Variants in COPS4 observed in about 807,000 individuals in gnomAD.
The protein encoded by COPS4 is COP9 signalosome complex subunit 4.
Under a neutral mutation model 55.1 loss-of-function variants are expected in COPS4, and 8 were observed. That is an observed-to-expected ratio of 0.15 (90% CI 0.09 to 0.26). COPS4 has a LOEUF of 0.26. Among genes scored for constraint, COPS4 ranks in the 10% least tolerant of loss-of-function variants. The pLI, the probability that COPS4 is intolerant of heterozygous loss-of-function variation, is 1.00. For missense variants in COPS4, 248 were observed against 484.0 expected, an observed-to-expected ratio of 0.51 and a Z score of 4.58; for synonymous variants, 185 against 165.7, an observed-to-expected ratio of 1.12 and a Z score of -0.90.
At chr4:83,070,100 C>T (rs1731384656) in intron 9 of COPS4, among the ~76,000 whole-genome samples, 1 of 152,208 alleles carries the variant, frequency 6.6e-6, no homozygotes, top group Non-Finnish European at 1.5e-5. Context: ...CCCACCACCA[C>T]AGCTTGACTT....
intron 1 of COPS4, among the ~76,000 whole-genome samples, chr4:83,040,674 T>A (rs1730541117): frequency 6.6e-6 from 1 of 152,214 alleles, no homozygotes; most frequent in Non-Finnish European, 1.5e-5. Context: ...ATATATGGTT[T>A]ATCTTATTTT....
chr4:83,038,924 TGAG>T (rs1181659197), intron 1 of COPS4, among the ~76,000 whole-genome samples: 1 of 152,216 alleles, frequency 6.6e-6, no homozygotes, highest in African/African-American at 2.4e-5. Context: ...ATTACAGGCG[TGAG>T]CCACCGCGCC....
At position 83,053,881 on chromosome 4, in the gene COPS4, C is replaced by G. The variant is rs114033361; in HGVS notation, c.411-3045C>G. Among the ~76,000 whole-genome samples the G allele has an allele frequency of 2.2e-3, 320 of 148,114 alleles. 1 individual carries two copies. Among genetic ancestry groups the G allele is most frequent in the Middle Eastern group, 0.018 (5 of 278 alleles). On this transcript the variant is annotated intron_variant, in intron 4 of 9. Coordinates refer to ENST00000264389, the MANE Select transcript of COPS4 (RefSeq NM_016129.3). ...GGTTTATAACTCTTACTCAACCAAT[C>G]TTACCTCTTGATGTATATGTTTTTT...
At chr4:83,071,999 C>T (rs1298807672) in intron 9 of COPS4, among the ~76,000 whole-genome samples, 9 of 151,780 alleles carry the variant, frequency 5.9e-5, no homozygotes, top group East Asian at 2.0e-4. Flanking sequence ...CGTGAGCTAC[C>T]GCTCCTGGCT....
chr4:83,060,595 C>T lies in COPS4; in HGVS notation c.716-2481C>T, dbSNP rs111529803. On this transcript the variant is annotated intron_variant, in intron 6 of 9. Transcript: ENST00000264389. Reference sequence around the variant, plus strand: ...TGCTGGGATTAAAGGCATGAGCCACCGTGCCCGGCCGACAGATGGTATAGT... The same window carrying T: ...TGCTGGGATTAAAGGCATGAGCCACTGTGCCCGGCCGACAGATGGTATAGT... Among the ~76,000 whole-genome samples the T allele has an allele frequency of 3.4e-3, 519 of 151,784 alleles. 2 individuals carry two copies. Among genetic ancestry groups the T allele is most frequent in the Non-Finnish European group, 5.1e-3 (343 of 67,896 alleles).
At chr4:83,037,552 G>A (rs928795831) in intron 1 of COPS4, among the ~76,000 whole-genome samples, 1 of 152,166 alleles carries the variant, frequency 6.6e-6, no homozygotes, top group African/African-American at 2.4e-5. Context: ...TTTCCTATGT[G>A]GGCAAGAATG....
At chr4:83,060,605 C>G (rs1205042445) in intron 6 of COPS4, among the ~76,000 whole-genome samples, 1 of 151,560 alleles carries the variant, frequency 6.6e-6, no homozygotes, top group East Asian at 2.0e-4. Flanking sequence ...CGTGCCCGGC[C>G]GACAGATGGT....
chr4:83,045,732 G>C, intron 2 of COPS4, 27 bp downstream of exon 2: 1 of 1,519,504 alleles, frequency 6.6e-7, no homozygotes, highest in Non-Finnish European at 9.1e-7. Context: ...TTTCATGCTT[G>C]CCTTGTATTA....
chr4:83,059,519 T>A (rs545439874), intron 6 of COPS4, among the ~76,000 whole-genome samples: 36 of 152,324 alleles, frequency 2.4e-4, no homozygotes, highest in South Asian at 2.3e-3. Flanking sequence ...ATTAATTTAT[T>A]TTAAAGTAGC....
intron 9 of COPS4, among the ~76,000 whole-genome samples, 172 bp downstream of exon 9, chr4:83,068,694 G>C (rs1222144849): frequency 3.9e-5 from 6 of 152,308 alleles, no homozygotes; most frequent in African/African-American, 1.4e-4. Context: ...ATGAGGCTGG[G>C]CATGGCGGCT....
chr4:83,042,717 C>A (rs182417333), intron 1 of COPS4, among the ~76,000 whole-genome samples: 7 of 152,186 alleles, frequency 4.6e-5, no homozygotes, highest in Non-Finnish European at 8.8e-5. Context: ...ATCCTCCCCC[C>A]TCAGCCTCCC....
chr4:83,052,013 TAAG>T (rs1730900766), intron 4 of COPS4, among the ~76,000 whole-genome samples: 1 of 152,104 alleles, frequency 6.6e-6, no homozygotes, highest in Non-Finnish European at 1.5e-5. Context: ...TCAAGTAAGA[TAAG>T]GAGTACAGGT....
At chr4:83,065,433 A>C (rs1731271556) in intron 7 of COPS4, among the ~76,000 whole-genome samples, 1 of 152,190 alleles carries the variant, frequency 6.6e-6, no homozygotes, top group Non-Finnish European at 1.5e-5. Context: ...AGTTAAGTGA[A>C]AAACTAGCAG....
At chr4:83,073,549 CTTTAAA>C (rs1731492001) in intron 9 of COPS4, among the ~76,000 whole-genome samples, 1 of 152,000 alleles carries the variant, frequency 6.6e-6, no homozygotes, top group Admixed American at 6.6e-5. Context: ...TTTGGGATTT[CTTTAAA>C]TTTATTTATT....
intron 4 of COPS4, among the ~76,000 whole-genome samples, chr4:83,055,874 G>C (rs950115060): frequency 1.3e-5 from 2 of 151,250 alleles, no homozygotes; most frequent in Non-Finnish European, 2.9e-5. Flanking sequence ...AGATGAATAT[G>C]TGTGCACATA....
At position 83,041,628 on chromosome 4, in the gene COPS4, C is replaced by T. The variant is rs559504961; in HGVS notation, c.75-3998C>T. ...ACTTACAGTTGTGCACCATCACACTCGGCTAATTTTTGTATTTTTAGTAGA... is the reference window on the plus strand; with the variant it reads ...ACTTACAGTTGTGCACCATCACACTTGGCTAATTTTTGTATTTTTAGTAGA... On this transcript the variant is annotated intron_variant, in intron 1 of 9. Transcript: ENST00000264389. 6.6e-5 allele frequency among the ~76,000 whole-genome samples: 10 copies of T among 151,692 alleles called. No homozygotes were observed. In the South Asian group the frequency reaches 1.0e-3, roughly 16 times the overall value.
chr4:83,053,424 G>T (rs1485111737), intron 4 of COPS4, among the ~76,000 whole-genome samples: 2 of 152,156 alleles, frequency 1.3e-5, no homozygotes, highest in Non-Finnish European at 2.9e-5. Context: ...GGTAAAGAGG[G>T]AAGTGAGGCC....
intron 9 of COPS4, chr4:83,073,216 C>G (rs770002359): frequency 1.5e-6 from 1 of 674,764 alleles, no homozygotes; most frequent in South Asian, 1.6e-5. Flanking sequence ...CTTCTGGCAA[C>G]CACCAATCCA....
chr4:83,049,775 GGCA>G, intron 3 of COPS4, 103 bp from the exon 4 acceptor site: 1 of 684,730 alleles, frequency 1.5e-6, no homozygotes, highest in Non-Finnish European at 2.5e-6. Flanking sequence ...CTGTTTACGT[GGCA>G]GCTTAGTATG....
Sources: allele counts gnomAD v4.1 joint callset (sites outside exome capture counted in the v4.1 genomes callset), GRCh38; gene constraint gnomAD v4.1.1; transcripts MANE v1.5; gene names NCBI Gene and HGNC (gene_info 2026-07-23, HGNC 2026-07-21).